Variants in GPM6A observed in about 807,000 individuals in gnomAD.
GPM6A encodes the protein neuronal membrane glycoprotein M6-a.
GPM6A carries 7 observed loss-of-function variants against 32.1 expected under a neutral mutation model. The observed-to-expected ratio is 0.22, with a 90% confidence interval of 0.12 to 0.41. The LOEUF is 0.41. Among genes scored for constraint, GPM6A ranks in the 10% least tolerant of loss-of-function variants. The pLI is 1.00. For synonymous variants in GPM6A, 130 were observed against 123.4 expected, an observed-to-expected ratio of 1.05 and a Z score of -0.35; for missense variants, 235 against 347.2, an observed-to-expected ratio of 0.68 and a Z score of 2.57.
intron 1 of GPM6A, among the ~76,000 whole-genome samples, chr4:175,820,188 T>C (rs1401087386): frequency 1.3e-5 from 2 of 152,206 alleles, no homozygotes; most frequent in African/African-American, 2.4e-5. Flanking sequence ...TATGCACAGT[T>C]ATTATTCCTT....
intron 1 of GPM6A, among the ~76,000 whole-genome samples, chr4:175,745,151 AT>A: frequency 6.6e-6 from 1 of 152,216 alleles, no homozygotes; most frequent in East Asian, 1.9e-4. Flanking sequence ...GAAATACCAG[AT>A]TTTTTTACAG....
intron 1 of GPM6A, among the ~76,000 whole-genome samples, chr4:175,968,090 G>T (rs79285260): frequency 0.019 from 2,956 of 151,946 alleles, 60 homozygotes; most frequent in African/African-American, 0.048. Context: ...TCAATGGAAC[G>T]GAATCGAGAG....
chr4:175,925,726 C>T (rs1738815447), intron 1 of GPM6A, among the ~76,000 whole-genome samples: 1 of 151,994 alleles, frequency 6.6e-6, no homozygotes, highest in Non-Finnish European at 1.5e-5. Flanking sequence ...TGCATCCAAA[C>T]TAGTTTCTAG....
intron 1 of GPM6A, among the ~76,000 whole-genome samples, chr4:175,927,537 A>G (rs1738882790): frequency 6.6e-6 from 1 of 152,238 alleles, no homozygotes; most frequent in Admixed American, 6.5e-5. Flanking sequence ...CCCAAACTGT[A>G]CTGGATGCCT....
chr4:175,815,968 C>A (rs185205525), upstream of GPM6A, among the ~76,000 whole-genome samples: 65 of 152,214 alleles, frequency 4.3e-4, no homozygotes, highest in South Asian at 0.01. Flanking sequence ...CCGCCTACCT[C>A]GGCCTCCCAA....
chr4:175,969,422 T>C (rs1740432064), intron 1 of GPM6A, among the ~76,000 whole-genome samples: 1 of 152,088 alleles, frequency 6.6e-6, no homozygotes, highest in South Asian at 2.1e-4. Context: ...AATAGTAATA[T>C]ATCAGGTCAG....
At chr4:175,965,292 C>T (rs1170139502) in intron 1 of GPM6A, among the ~76,000 whole-genome samples, 4 of 151,660 alleles carry the variant, frequency 2.6e-5, no homozygotes, top group Non-Finnish European at 4.4e-5. Context: ...ACCATTGGTA[C>T]TTAGACAAAA....
chr4:175,859,369 C>T (rs547395885), intron 1 of GPM6A, among the ~76,000 whole-genome samples: 39 of 152,218 alleles, frequency 2.6e-4, no homozygotes, highest in Non-Finnish European at 4.7e-4. Flanking sequence ...GAATCAATGG[C>T]GTGTCTGTGC....
Position 175,984,310 on chromosome 4 carries a change from G to A in GPM6A, c.-23+17999C>T, listed in dbSNP as rs1468315359. Among the ~76,000 whole-genome samples the A allele has an allele frequency of 4.0e-5, 6 of 151,866 alleles. No homozygotes were observed. The South Asian group carries it at 1.2e-3, about 32-fold the overall frequency. ...TCCGAGTAGCTGGGACTACAGGTGC[G>A]TTCCACCACGCCCGGCTAATTTTTT... On this transcript the variant is annotated intron_variant, in intron 1 of 7. Coordinates refer to the GPM6A transcript ENST00000280187.
At chr4:175,970,703 A>G (rs1192818724) in intron 1 of GPM6A, among the ~76,000 whole-genome samples, 1 of 152,248 alleles carries the variant, frequency 6.6e-6, no homozygotes, top group Non-Finnish European at 1.5e-5. Context: ...AGCAAGCTGT[A>G]TCTTCGAAGC....
At chr4:175,793,734 TG>T (rs1333970664) in intron 1 of GPM6A, among the ~76,000 whole-genome samples, 3 of 152,228 alleles carry the variant, frequency 2.0e-5, no homozygotes, top group Non-Finnish European at 4.4e-5. Context: ...TTGGATCATC[TG>T]ATGTCTTGAC....
intron 1 of GPM6A, among the ~76,000 whole-genome samples, chr4:175,828,018 C>T (rs6553894): frequency 0.97 from 147,635 of 152,294 alleles, 71,736 homozygotes; most frequent in East Asian, 1. Context: ...AGTGATGAAG[C>T]AATGTGCTTT....
chr4:175,894,752 TTCAAACACACTCTAGTA>T (rs1409907523), intron 1 of GPM6A, among the ~76,000 whole-genome samples: 9 of 152,244 alleles, frequency 5.9e-5, no homozygotes, highest in African/African-American at 2.2e-4. Context: ...GCTAATTAAT[TTCAAACACACTCTAGTA>T]TCATTTAGGA....
At chr4:175,719,388 CGG>C (rs2111110821) in intron 1 of GPM6A, among the ~76,000 whole-genome samples, 1 of 151,970 alleles carries the variant, frequency 6.6e-6, no homozygotes, top group South Asian at 2.1e-4. Flanking sequence ...TTAGTAGAGA[CGG>C]GGTTTCACCA....
rs866393099 is a variant in GPM6A at position 175,744,197 on chromosome 4, T to A, written c.38-42430A>T. 4.6e-5 allele frequency among the ~76,000 whole-genome samples: 7 copies of A among 151,994 alleles called. No homozygotes were observed. In the South Asian group the frequency reaches 1.0e-3, roughly 22 times the overall value. On this transcript the variant is annotated intron_variant, in intron 1 of 6. Coordinates refer to ENST00000393658, the MANE Select transcript of GPM6A (RefSeq NM_201591.3). ...AAGTGGAATTAAGTTACAAATAAAATTTTTAAAAGGAGGGGGAATATCCAA... is the reference window on the plus strand; with the variant it reads ...AAGTGGAATTAAGTTACAAATAAAAATTTTAAAAGGAGGGGGAATATCCAA...
intron 1 of GPM6A, among the ~76,000 whole-genome samples, chr4:175,937,961 T>A (rs2126332971): frequency 6.6e-6 from 1 of 152,240 alleles, no homozygotes; most frequent in South Asian, 2.1e-4. Flanking sequence ...TACCACCCTA[T>A]TTAATTCTAA....
intron 1 of GPM6A, among the ~76,000 whole-genome samples, chr4:175,795,523 G>A (rs1734185296): frequency 6.6e-6 from 1 of 152,160 alleles, no homozygotes; most frequent in Non-Finnish European, 1.5e-5. Flanking sequence ...GCCAAGGAGG[G>A]AGGATTGCTT....
chr4:175,892,341 T>A (rs1009703096), intron 1 of GPM6A, among the ~76,000 whole-genome samples: 1 of 152,188 alleles, frequency 6.6e-6, no homozygotes, highest in Non-Finnish European at 1.5e-5. Flanking sequence ...ATCCCTTCCC[T>A]ACTTTTTCTC....
chr4:175,786,393 C>T (rs951806929), intron 1 of GPM6A, among the ~76,000 whole-genome samples: 4 of 151,700 alleles, frequency 2.6e-5, no homozygotes, highest in African/African-American at 7.3e-5. Context: ...ACTCTCCTCC[C>T]TCCAATTACA....
Sources: gnomAD v4.1 joint callset for allele counts (sites outside exome capture counted in the v4.1 genomes callset) on GRCh38, gnomAD v4.1.1 for gene constraint, MANE v1.5 for transcripts, NCBI Gene and HGNC (gene_info 2026-07-23, HGNC 2026-07-21) for gene names.